Variants in GPR158 observed in about 807,000 individuals in gnomAD.
GPR158 encodes the protein G protein-coupled receptor 158.
GPR158 carries 30 observed loss-of-function variants against 78.2 expected under a neutral mutation model. That is an observed-to-expected ratio of 0.38 (90% CI 0.29 to 0.52). GPR158 has a LOEUF of 0.52. Among genes scored for constraint, GPR158 ranks in the 20% least tolerant of loss-of-function variants. The pLI is 0.83. For synonymous variants in GPR158, 581 were observed against 591.1 expected (o/e 0.98, Z 0.25); for missense variants, 1,463 against 1,523.5 (o/e 0.96, Z 0.66).
intron 2 of GPR158, among the ~76,000 whole-genome samples, chr10:25,334,823 C>T (rs1855175057): frequency 6.6e-6 from 1 of 151,620 alleles, no homozygotes; most frequent in Non-Finnish European, 1.5e-5. Flanking sequence ...TTTTGCTCAA[C>T]TCAATGCTTT....
chr10:25,385,639 TA>T (rs929722667), intron 2 of GPR158, among the ~76,000 whole-genome samples: 1 of 152,162 alleles, frequency 6.6e-6, no homozygotes, highest in Non-Finnish European at 1.5e-5. Context: ...ATTATTATTA[TA>T]ATTTTTTGAT....
At chr10:25,267,341 G>A (rs1407924945) in intron 2 of GPR158, among the ~76,000 whole-genome samples, 1 of 152,130 alleles carries the variant, frequency 6.6e-6, no homozygotes, top group African/African-American at 2.4e-5. Flanking sequence ...AGTGGCAGGA[G>A]AGAGAAGAAT....
intron 8 of GPR158, among the ~76,000 whole-genome samples, chr10:25,592,703 G>A (rs1468561259): frequency 6.6e-6 from 1 of 151,864 alleles, no homozygotes; most frequent in African/African-American, 2.4e-5. Context: ...CTACTTTAAA[G>A]TTTATTTGGT....
rs34285790 is a variant in GPR158 at position 25,574,146 on chromosome 10, C to CAAA, written c.1753+1283_1753+1285dup. 1.0e-3 allele frequency among the ~76,000 whole-genome samples: 62 copies of CAAA among 62,304 alleles called. 4 individuals are homozygous for CAAA. The highest frequency in any genetic ancestry group is 2.1e-3 in the Admixed American group (9 of 4,234). The allele number at this position is 62,304 out of a possible 152,430, so 40.9% of individuals were successfully genotyped here. On this transcript the variant is annotated intron_variant, in intron 7 of 10. Coordinates refer to ENST00000376351, the MANE Select transcript of GPR158 (RefSeq NM_020752.3). ...CACTAGTTTTTATTTTTCTGTTTTA[C>CAAA]AAAAAAAAAAAAAAAAAAAAAAAAA...
chr10:25,316,931 G>GTATA (rs758461572), intron 2 of GPR158, among the ~76,000 whole-genome samples: 53 of 95,740 alleles, frequency 5.5e-4, no homozygotes, highest in African/African-American at 1.1e-3. Context: ...GTGTATGTGT[G>GTATA]TGTATATATA....
intron 2 of GPR158, among the ~76,000 whole-genome samples, chr10:25,265,099 T>C (rs1278623675): frequency 6.6e-6 from 1 of 152,174 alleles, no homozygotes; most frequent in Admixed American, 6.5e-5. Flanking sequence ...AAGAACAAAA[T>C]GGCTTTCTTA....
intron 2 of GPR158, among the ~76,000 whole-genome samples, chr10:25,242,250 T>A (rs560651378): frequency 7.0e-4 from 106 of 152,336 alleles, no homozygotes; most frequent in African/African-American, 2.4e-3. Flanking sequence ...CATTAAACAG[T>A]ATCAGAAGCT....
Position 25,594,361 on chromosome 10 carries a change from T to C in GPR158, c.1962T>C (p.Thr654=). Residue 654 remains threonine, a synonymous_variant, in exon 9 of 11, where the codon ACT becomes ACC. Transcript: ENST00000376351. ...TGTATTTTGCACATACTCATTTGAC[T>C]GTGACAGTCACCATTGGGTTGCTTT... The part of the protein sequence containing the change: ...LMLYFAHTHL[T]VTVTIGLLLI... 1.9e-6 allele frequency: 3 copies of C among 1,588,148 alleles called. No individual in the cohort carries two copies. Among genetic ancestry groups the C allele is most frequent in the Non-Finnish European group, 2.6e-6 (3 of 1,158,008 alleles).
chr10:25,335,223 A>G (rs546919232), intron 2 of GPR158, among the ~76,000 whole-genome samples: 1 of 152,176 alleles, frequency 6.6e-6, no homozygotes, highest in Non-Finnish European at 1.5e-5. Flanking sequence ...TTCTTTTGGC[A>G]TAAATACAAA....
intron 5 of GPR158, among the ~76,000 whole-genome samples, chr10:25,548,387 A>T (rs1836690716): frequency 6.6e-6 from 1 of 152,194 alleles, no homozygotes; most frequent in African/African-American, 2.4e-5. Context: ...ATTGTGCTGC[A>T]GTGAGAATGG....
chr10:25,214,920 C>G (rs776561883), intron 1 of GPR158, among the ~76,000 whole-genome samples: 1 of 152,118 alleles, frequency 6.6e-6, no homozygotes, highest in Non-Finnish European at 1.5e-5. Flanking sequence ...TTAAATCACC[C>G]GGTCTGAGAT....
chr10:25,289,510 A>G (rs1392708981), intron 2 of GPR158, among the ~76,000 whole-genome samples: 2 of 151,834 alleles, frequency 1.3e-5, no homozygotes, highest in East Asian at 1.9e-4. Flanking sequence ...TCGGCTCACT[A>G]CAAGCTCTGC....
At chr10:25,213,265 T>C (rs1488612484) in intron 1 of GPR158, among the ~76,000 whole-genome samples, 1 of 152,206 alleles carries the variant, frequency 6.6e-6, no homozygotes, top group Admixed American at 6.5e-5. Context: ...AAAAAACTTC[T>C]CCCGTAAGAG....
intron 5 of GPR158, among the ~76,000 whole-genome samples, chr10:25,508,221 A>G (rs1371963127): frequency 6.6e-6 from 1 of 152,158 alleles, no homozygotes; most frequent in East Asian, 1.9e-4. Flanking sequence ...AAAGGAGAAC[A>G]CTTTTATCTT....
Position 25,422,857 on chromosome 10 carries a change from C to CCA in GPR158, c.1335+10388_1335+10389dup, listed in dbSNP as rs1554802464. ...ACAGTCTTTTATTCCCTTACCCCCC[C>CCA]CACACTTTCCCCCAAGTCCCCAAAG... On this transcript the variant is annotated intron_variant, in intron 4 of 10. Coordinates refer to ENST00000376351, the MANE Select transcript of GPR158 (RefSeq NM_020752.3). Among the ~76,000 whole-genome samples the CCA allele has an allele frequency of 1.5e-3, 219 of 148,140 alleles. 1 individual carries two copies. Among genetic ancestry groups the CCA allele is most frequent in the Non-Finnish European group, 2.4e-3 (163 of 67,160 alleles).
chr10:25,415,336 C>T (rs530124772), intron 4 of GPR158, among the ~76,000 whole-genome samples: 4 of 151,730 alleles, frequency 2.6e-5, no homozygotes, highest in Non-Finnish European at 5.9e-5. Flanking sequence ...TAAGTAAAAC[C>T]AATTTAAAAA....
chr10:25,338,570 T>TATTATATATAATACATATTATATATATC (rs1855258506), intron 2 of GPR158, among the ~76,000 whole-genome samples: 1 of 145,976 alleles, frequency 6.9e-6, no homozygotes, highest in Non-Finnish European at 1.5e-5. Context: ...TATTGTATAT[T>TATTATATATAATACATATTATATATATC]ATTATATATA....
chr10:25,576,159 G>A (rs1837092812), intron 7 of GPR158, among the ~76,000 whole-genome samples: 4 of 152,036 alleles, frequency 2.6e-5, no homozygotes, highest in African/African-American at 9.7e-5. Context: ...TCACCCAAGG[G>A]AGTGTACATT....
intron 5 of GPR158, among the ~76,000 whole-genome samples, chr10:25,512,955 G>A (rs1326484312): frequency 6.6e-6 from 1 of 151,934 alleles, no homozygotes; most frequent in African/African-American, 2.4e-5. Flanking sequence ...AAGAATTTTT[G>A]CATCTGTGTT....
Sources: gnomAD v4.1 joint callset for allele counts (sites outside exome capture counted in the v4.1 genomes callset) on GRCh38, gnomAD v4.1.1 for gene constraint, MANE v1.5 for transcripts, NCBI Gene and HGNC (gene_info 2026-07-23, HGNC 2026-07-21) for gene names.